The following TEX11 variants were observed in gnomAD, a reference collection of about 807,000 sequenced individuals.
TEX11 encodes the protein testis-expressed protein 11.
TEX11 carries 7 observed loss-of-function variants against 84.4 expected under a neutral mutation model. The ratio of observed to expected loss-of-function variants is 0.08; its 90% CI spans 0.05 to 0.16. TEX11 has a LOEUF of 0.16. Ranked by LOEUF, TEX11 falls within the 10% of genes least tolerant of loss-of-function variation. The pLI is 1.00. For missense variants in TEX11, 551 were observed against 660.5 expected (o/e 0.83, Z 1.82); for synonymous variants, 264 against 222.8 (o/e 1.18, Z -1.64).
rs1186202442 is a variant in TEX11 at position 70,732,282 on chromosome X, T to C, written c.844-6939A>G. Among the ~76,000 whole-genome samples, 22 of 111,474 alleles carry C rather than the reference T, an allele frequency of 2.0e-4. No homozygotes were observed. In the Admixed American group the frequency reaches 2.0e-3, roughly 10 times the overall value. ...CCTCTCTCACCACTCCTATTCAACA[T>C]AGTGTTGGAAGTTCTGGCCGGGGCA... On this transcript the variant is annotated intron_variant, in intron 11 of 29. Coordinates refer to ENST00000374333, the MANE Select transcript of TEX11 (RefSeq NM_031276.3).
At chrX:70,799,604 G>A (rs776887248) in intron 9 of TEX11, among the ~76,000 whole-genome samples, 3 of 112,168 alleles carry the variant, frequency 2.7e-5, no homozygotes, top group Admixed American at 9.5e-5. Context: ...CTTTTGCTTT[G>A]ACTAGACCAC....
At position 70,833,531 on chromosome X, in the gene TEX11, C is replaced by T. The variant is rs1291755779; in HGVS notation, c.588G>A (p.Leu196=). The T allele has an allele frequency of 8.3e-7, 1 of 1,205,129 alleles. No homozygotes were observed. Among genetic ancestry groups the T allele is most frequent in the Non-Finnish European group, 1.1e-6 (1 of 893,066 alleles). The change falls in exon 8 of 30, where the codon TTG becomes TTA. Residue 196 remains leucine, a synonymous_variant. Coordinates refer to ENST00000374333, the MANE Select transcript of TEX11 (RefSeq NM_031276.3). ...CACTCACCATCTGGGGGAGCCTCAT[C>T]AACATATCTTTACATTGCAGTACAC... is the stretch of plus-strand genomic sequence containing the variant. ...SMCVLQCKDM[L]MRLPQMTSSL... is the part of the protein sequence containing the mutation.
At chrX:70,563,088 G>A (rs1870025970) in intron 25 of TEX11, among the ~76,000 whole-genome samples, 1 of 112,145 alleles carries the variant, frequency 8.9e-6, no homozygotes, top group East Asian at 2.8e-4. Context: ...TCTCTGCAGT[G>A]TTTTCAAAGT....
intron 18 of TEX11, among the ~76,000 whole-genome samples, chrX:70,628,556 T>G (rs927674055): frequency 1.8e-5 from 2 of 112,039 alleles, no homozygotes; most frequent in Non-Finnish European, 3.8e-5. Context: ...TACATAGAAC[T>G]CTATATTCTG....
At chrX:70,784,824 A>G (rs1273822167) in intron 9 of TEX11, among the ~76,000 whole-genome samples, 1 of 111,922 alleles carries the variant, frequency 8.9e-6, no homozygotes, top group Admixed American at 9.5e-5. Flanking sequence ...ACGAAATAAA[A>G]GAGGATACAA....
intron 16 of TEX11, among the ~76,000 whole-genome samples, chrX:70,654,367 C>T (rs1457889801): frequency 9.0e-6 from 1 of 110,536 alleles, no homozygotes; most frequent in African/African-American, 3.3e-5. Context: ...TATTTAGAAA[C>T]ATTGATCCCG....
intron 9 of TEX11, among the ~76,000 whole-genome samples, chrX:70,778,007 T>C (rs2091012995): frequency 8.9e-6 from 1 of 112,287 alleles, no homozygotes; most frequent in African/African-American, 3.2e-5. Flanking sequence ...ATACTCACTT[T>C]AGCTTTAAGG....
intron 15 of TEX11, among the ~76,000 whole-genome samples, chrX:70,674,188 G>A (rs1296059314): frequency 8.9e-6 from 1 of 112,059 alleles, no homozygotes; most frequent in Non-Finnish European, 1.9e-5. Flanking sequence ...TTCTCAGGAC[G>A]ATAGCTTCCA....
chrX:70,564,896 T>G (rs2147959813), intron 25 of TEX11, among the ~76,000 whole-genome samples: 1 of 110,181 alleles, frequency 9.1e-6, no homozygotes, highest in South Asian at 4.0e-4. Flanking sequence ...GCAGCATGAT[T>G]TATAGTCCTT....
intron 5 of TEX11, among the ~76,000 whole-genome samples, chrX:70,859,599 AAAGAG>A (rs2091558075): frequency 9.6e-6 from 1 of 103,965 alleles, no homozygotes; most frequent in South Asian, 4.4e-4. Context: ...AAAAAAAAAA[AAAGAG>A]AGAACAGATA....
the TEX11 span, among the ~76,000 whole-genome samples, chrX:70,521,953 A>G: frequency 9.0e-6 from 1 of 110,502 alleles, no homozygotes; most frequent in Non-Finnish European, 1.9e-5. Context: ...CTGCCTCCCA[A>G]GGTCAAGTGA....
At chrX:70,600,337 C>A (rs1805631551) in intron 24 of TEX11, among the ~76,000 whole-genome samples, 1 of 111,147 alleles carries the variant, frequency 9.0e-6, no homozygotes, top group Non-Finnish European at 1.9e-5. Context: ...TATATATGCA[C>A]CCAATACAGG....
At chrX:70,867,059 A>G (rs768107094) in intron 4 of TEX11, among the ~76,000 whole-genome samples, 1 of 111,991 alleles carries the variant, frequency 8.9e-6, no homozygotes, top group African/African-American at 3.2e-5. Context: ...AGCGTATTCA[A>G]TTAGGAAGAG....
chrX:70,796,600 A>G (rs1293031389), intron 9 of TEX11, among the ~76,000 whole-genome samples: 1 of 111,900 alleles, frequency 8.9e-6, no homozygotes, highest in Admixed American at 9.5e-5. Flanking sequence ...CAAAACCAAA[A>G]CTTGACAAGT....
intron 11 of TEX11, among the ~76,000 whole-genome samples, chrX:70,736,540 CAAA>C (rs1223892423): frequency 1.4e-5 from 1 of 70,870 alleles, no homozygotes; most frequent in Non-Finnish European, 2.8e-5. Flanking sequence ...CTGAGTGAGG[CAAA>C]AAAAAAAAAA....
intron 28 of TEX11, 61 bp downstream of exon 28, chrX:70,552,065 T>G (rs945450544): frequency 1.8e-6 from 2 of 1,096,674 alleles, no homozygotes; most frequent in African/African-American, 3.8e-5. Flanking sequence ...TAATTTATAG[T>G]ACACAAGACA....
intron 2 of TEX11, among the ~76,000 whole-genome samples, chrX:70,888,368 CAA>C (rs1481697573): frequency 1.8e-5 from 2 of 112,298 alleles, no homozygotes; most frequent in East Asian, 5.5e-4. Flanking sequence ...CTAAATTTAG[CAA>C]AGAGATTGAA....
At chrX:70,676,592 G>A (rs1027589437) in intron 15 of TEX11, among the ~76,000 whole-genome samples, 2 of 111,730 alleles carry the variant, frequency 1.8e-5, no homozygotes, top group Non-Finnish European at 3.8e-5. Flanking sequence ...TGTTTCTTGT[G>A]TTTGGGGTTT....
chrX:70,742,923 G>A (rs759354229), intron 10 of TEX11, among the ~76,000 whole-genome samples: 17 of 111,059 alleles, frequency 1.5e-4, no homozygotes, highest in Non-Finnish European at 3.0e-4. Context: ...ACATTTTTAA[G>A]TGTACAGTTC....
Sources: allele counts gnomAD v4.1 joint callset (sites outside exome capture counted in the v4.1 genomes callset), GRCh38; gene constraint gnomAD v4.1.1; transcripts MANE v1.5; gene names NCBI Gene and HGNC (gene_info 2026-07-23, HGNC 2026-07-21).